TBL3: variants seen among roughly 807,000 people sequenced by gnomAD.
The protein encoded by TBL3 is transducin beta-like protein 3.
In TBL3, 71 loss-of-function variants were observed where a neutral mutation model predicts 102.7. The ratio of observed to expected loss-of-function variants is 0.69; its 90% CI spans 0.57 to 0.84. TBL3 has a LOEUF of 0.84. Among genes scored for constraint, TBL3 ranks in the 40% least tolerant of loss-of-function variants. The pLI, the probability that TBL3 is intolerant of heterozygous loss-of-function variation, is 0.00. For synonymous variants in TBL3, 578 were observed against 477.7 expected (o/e 1.21, Z -2.74); for missense variants, 1,188 against 1,098.5 (o/e 1.08, Z -1.15).
Position 1,979,961 on chromosome 16 carries a change from A to G in TBL3, c.*1276A>G, listed in dbSNP as rs758649454. ...TCGAGGCTCCCTCGGGTCCAGGAGC[A>G]GAGGAGCAAATCCCTGGGTTCTTGG... On this transcript the variant is annotated 3_prime_UTR_variant, in exon 22 of 22. Coordinates refer to ENST00000568546, the MANE Select transcript of TBL3 (RefSeq NM_006453.3). 6.3e-6 allele frequency: 10 copies of G among 1,585,986 alleles called. No individual in the cohort carries two copies. Among genetic ancestry groups the G allele is most frequent in the Admixed American group, 1.8e-5 (1 of 55,968 alleles).
rs1220480487 is a variant in TBL3 at position 1,980,313 on chromosome 16, C to T, written c.*1628C>T. ...CTGGCTGTTCCCCCCCACCCTGGAC[C>T]TCTCCCAGCTCCAAACGCCGCTGCA... On this transcript the variant is annotated 3_prime_UTR_variant, in exon 22 of 22. Transcript: ENST00000568546. The T allele has an allele frequency of 6.4e-7, 1 of 1,563,464 alleles. No homozygotes were observed. Among genetic ancestry groups the T allele is most frequent in the East Asian group, 2.3e-5 (1 of 44,352 alleles).
Position 1,980,190 on chromosome 16 carries a change from G to A in TBL3, c.*1505G>A, listed in dbSNP as rs1408039172. Reference sequence around the variant, plus strand: ...TGGGCAGGATCACCCGGCTGGGAAGGGCAGCCCGTACGAGTGAGAGGTAGG... The same window carrying A: ...TGGGCAGGATCACCCGGCTGGGAAGAGCAGCCCGTACGAGTGAGAGGTAGG... On this transcript the variant is annotated 3_prime_UTR_variant, in exon 22 of 22. Coordinates refer to ENST00000568546, the MANE Select transcript of TBL3 (RefSeq NM_006453.3). 1 of 1,593,964 alleles carries A rather than the reference G, an allele frequency of 6.3e-7. No homozygotes were observed. Among genetic ancestry groups the A allele is most frequent in the Non-Finnish European group, 8.5e-7 (1 of 1,173,438 alleles).
rs1233565129 is a variant in TBL3, at chr16:1,982,431, A to G, written c.*3746A>G. ...GGGAGACCTTGCTCCCCTGGAAGAC[A>G]GGAGAAGCTGGGGAGGATTTATTCA... On this transcript the variant is annotated 3_prime_UTR_variant, in exon 22 of 22. Coordinates refer to ENST00000568546, the MANE Select transcript of TBL3 (RefSeq NM_006453.3). 1 of 152,162 alleles carries G rather than the reference A, an allele frequency of 6.6e-6. No homozygotes were observed. The highest frequency in any genetic ancestry group is 1.5e-5 in the Non-Finnish European group (1 of 68,022). 9.4% of individuals were successfully genotyped at this position (152,162 alleles called of 1,614,324 possible).
Position 1,978,039 on chromosome 16 carries a change from C to T in TBL3, c.2040C>T (p.His680=), listed in dbSNP as rs1567326727. ...LGLAISLDRP[H]TVLTVIQAIR... ...TGGCCATCTCCCTGGATCGGCCCCACACCGTGCTGACTGTCATCCAGGGTC... is the reference window on the plus strand; with the variant it reads ...TGGCCATCTCCCTGGATCGGCCCCATACCGTGCTGACTGTCATCCAGGGTC... The change falls in exon 19 of 22, where the codon CAC becomes CAT. Residue 680 remains histidine, a synonymous_variant. Coordinates refer to ENST00000568546, the MANE Select transcript of TBL3 (RefSeq NM_006453.3). 6.2e-7 allele frequency: 1 copy of T among 1,606,688 alleles called. No individual in the cohort carries two copies. Among genetic ancestry groups the T allele is most frequent in the Middle Eastern group, 1.7e-4 (1 of 6,020 alleles).
At chr16:1,972,269 C>A in intron 1 of TBL3, 64 bp downstream of exon 1, 1 of 1,291,788 alleles carries the variant, frequency 7.7e-7, no homozygotes, top group South Asian at 2.3e-5. Context: ...ATAGCGGAGG[C>A]GCGCGTGGGG....
rs2083399279 is a variant in TBL3 at position 1,976,073 on chromosome 16, G to C, written c.1147G>C (p.Asp383His). The change falls in exon 12 of 22, where the codon GAT becomes CAT. Residue 383 changes from aspartate to histidine, a missense_variant. Coordinates refer to ENST00000568546, the MANE Select transcript of TBL3 (RefSeq NM_006453.3). ...CATCTCAGATATCGTCCTGGCCCTGGATGTGTTCCGGAAGGGGTGGCTCTT... is the reference window on the plus strand; with the variant it reads ...CATCTCAGATATCGTCCTGGCCCTGCATGTGTTCCGGAAGGGGTGGCTCTT... The part of the protein sequence containing the change: ...HGHTDIVLAL[D>H]VFRKGWLFAS... The C allele has an allele frequency of 6.2e-7, 1 of 1,614,068 alleles. No individual in the cohort carries two copies. The highest frequency in any genetic ancestry group is 1.3e-5 in the African/African-American group (1 of 74,942).
intron 8 of TBL3, 27 bp from the exon 9 acceptor site, chr16:1,975,318 G>A (rs759717060): frequency 2.5e-6 from 4 of 1,613,854 alleles, no homozygotes; most frequent in African/African-American, 2.7e-5. Context: ...GGGCATGATA[G>A]CAGCCTGTGA....
intron 11 of TBL3, 25 bp from the exon 12 acceptor site, chr16:1,976,031 C>G: frequency 6.2e-7 from 1 of 1,614,204 alleles, no homozygotes; most frequent in South Asian, 1.1e-5. Context: ...TGCTGTGTGA[C>G]CTATACCTCC....
In TBL3 at chr16:1,975,022, T is replaced by C. The variant is rs2083388947; in HGVS notation, c.559T>C (p.Cys187Arg). Residue 187 changes from cysteine (C) to arginine (R), a missense_variant, in exon 7 of 22, where the codon TGC becomes CGC. By Grantham distance (180) the Cys-to-Arg change is radical. Transcript: ENST00000568546. Reference sequence around the variant, plus strand: ...CGTGTGGTCACTGCAGGACCGGTCATGCCTGGCTGTGCTGACTGCCCACTA... The same window carrying C: ...CGTGTGGTCACTGCAGGACCGGTCACGCCTGGCTGTGCTGACTGCCCACTA... ...IRVWSLQDRS[C>R]LAVLTAHYSA... 3.1e-6 allele frequency: 5 copies of C among 1,607,156 alleles called. No homozygotes were observed. The South Asian group carries it at 3.3e-5, about 11-fold the overall frequency.
rs2083456672 is a variant in TBL3 at position 1,979,607 on chromosome 16, C to T, written c.*922C>T. 1.4e-6 allele frequency: 2 copies of T among 1,413,952 alleles called. No individual in the cohort carries two copies. The highest frequency in any genetic ancestry group is 3.6e-4 in the Middle Eastern group (2 of 5,590). 87.6% of individuals were successfully genotyped at this position (1,413,952 alleles called of 1,614,324 possible). A position where few individuals can be genotyped will look rare whatever the true frequency, so the allele number is the denominator to read the frequency against. On this transcript the variant is annotated 3_prime_UTR_variant, in exon 22 of 22. Coordinates refer to ENST00000568546, the MANE Select transcript of TBL3 (RefSeq NM_006453.3). ...GAGGACGAGGCCCGCCCGCACCCTT[C>T]TCCACATTCTCCTTGCTTGAGTCTG...
rs1221227230 is a variant in TBL3 at position 1,977,266 on chromosome 16, G to A, written c.1653G>A (p.Gln551=). Reference sequence around the variant, plus strand: ...GCACCATCAAGCTCTGGGCACTCCAGGACTTCAGCTGTCTCAAGGTAAGTG... The same window carrying A: ...GCACCATCAAGCTCTGGGCACTCCAAGACTTCAGCTGTCTCAAGGTAAGTG... The part of the protein sequence containing the change: ...ADGTIKLWAL[Q]DFSCLKTFEG... The change falls in exon 15 of 22, where the codon CAG becomes CAA. Residue 551 remains glutamine (Q), a synonymous_variant. Transcript: ENST00000568546. 3 of 1,613,310 alleles carry A rather than the reference G, an allele frequency of 1.9e-6. No homozygotes were observed. Among genetic ancestry groups the A allele is most frequent in the East Asian group, 2.2e-5 (1 of 44,884 alleles).
chr16:1,974,777 G>A lies in TBL3; in HGVS notation c.394G>A (p.Ala132Thr), dbSNP rs76890223. Residue 132 changes from alanine to threonine, a missense_variant, in exon 6 of 22, where the codon GCC (alanine) becomes ACC (threonine). Coordinates refer to ENST00000568546, the MANE Select transcript of TBL3 (RefSeq NM_006453.3). ...TLLATGGCDG[A>T]VRVWDIVRHY... Reference sequence around the variant, plus strand: ...CTTCCCCGCAGGTGGCTGTGATGGGGCCGTGCGCGTCTGGGACATCGTGCG... The same window carrying A: ...CTTCCCCGCAGGTGGCTGTGATGGGACCGTGCGCGTCTGGGACATCGTGCG... 2 of 1,612,900 alleles carry A rather than the reference G, an allele frequency of 1.2e-6. No individual in the cohort carries two copies. Among genetic ancestry groups the A allele is most frequent in the Non-Finnish European group, 1.7e-6 (2 of 1,179,980 alleles).
chr16:1,977,983 C>A lies in TBL3; in HGVS notation c.1984C>A (p.His662Asn). ...GCAGCAAGAGCTGGACAACCTGCTG[C>A]ATGAGAAGCGGTACCTGCGGGCGCT... ...VRQQELDNLL[H>N]EKRYLRALGL... Residue 662 changes from histidine to asparagine, a missense_variant, in exon 19 of 22, where the codon CAT becomes AAT. Coordinates refer to ENST00000568546, the MANE Select transcript of TBL3 (RefSeq NM_006453.3). 1 of 1,604,470 alleles carries A rather than the reference C, an allele frequency of 6.2e-7. No individual in the cohort carries two copies.
chr16:1,976,914 G>C lies in TBL3; in HGVS notation c.1393G>C (p.Gly465Arg). 1.2e-6 allele frequency: 2 copies of C among 1,613,958 alleles called. No homozygotes were observed. Among genetic ancestry groups the C allele is most frequent in the Non-Finnish European group, 1.7e-6 (2 of 1,180,020 alleles). ...GTCCAAGAACACAGCCCCAGACAAC[G>C]GCCCTATCCTCCTGCAGGCCCAGAC... ...LLSKNTAPDN[G>R]PILLQAQTTQ... The change falls in exon 14 of 22, where the codon GGC becomes CGC. Residue 465 changes from glycine (G) to arginine (R), a missense_variant. By Grantham distance (125) the Gly-to-Arg change is moderately radical. Transcript: ENST00000568546.
chr16:1,972,688 G>A (rs1184168406), intron 1 of TBL3, among the ~76,000 whole-genome samples: 1 of 152,220 alleles, frequency 6.6e-6, no homozygotes, highest in African/African-American at 2.4e-5. Flanking sequence ...AGCCTTTGCC[G>A]AACAGCAGTG....
At chr16:1,973,014 G>A (rs929592978) in intron 1 of TBL3, among the ~76,000 whole-genome samples, 1 of 152,198 alleles carries the variant, frequency 6.6e-6, no homozygotes, top group Non-Finnish European at 1.5e-5. Context: ...GAGAAGGAAA[G>A]AAAGCAGAGG....
In TBL3 at chr16:1,975,744, C is replaced by T. The variant is rs550959582; in HGVS notation, c.987+34C>T. On this transcript the variant is annotated intron_variant, in intron 10 of 21. Transcript: ENST00000568546. ...CTGCCCTTGCTCAGTCTGGAGGCTGCGGGCACCAGCCCTCCTCTTACACAG... is the reference window on the plus strand; with the variant it reads ...CTGCCCTTGCTCAGTCTGGAGGCTGTGGGCACCAGCCCTCCTCTTACACAG... 31 of 1,612,600 alleles carry T rather than the reference C, an allele frequency of 1.9e-5. No homozygotes were observed. In the South Asian group the frequency reaches 2.9e-4, roughly 15 times the overall value.
chr16:1,972,274 G>C (rs2083366384), intron 1 of TBL3, 69 bp downstream of exon 1: 2 of 1,289,024 alleles, frequency 1.6e-6, no homozygotes, highest in Non-Finnish European at 2.0e-6. Flanking sequence ...GGAGGCGCGC[G>C]TGGGGTGGGC....
chr16:1,978,123 C>A (rs775333831), intron 19 of TBL3, 26 bp from the exon 20 acceptor site: 3 of 1,611,918 alleles, frequency 1.9e-6, no homozygotes, highest in Non-Finnish European at 2.5e-6. Context: ...CTGCTTTCCC[C>A]AGCTCAGCCT....
Sources: allele counts gnomAD v4.1 joint callset (sites outside exome capture counted in the v4.1 genomes callset), GRCh38; gene constraint gnomAD v4.1.1; transcripts MANE v1.5; gene names NCBI Gene and HGNC (gene_info 2026-07-23, HGNC 2026-07-21).